The following NME8 variants were observed in gnomAD, a reference collection of about 807,000 sequenced individuals.
The protein encoded by NME8 is NME/NM23 family member 8.
A neutral mutation model predicts 82.3 loss-of-function variants in NME8; 72 were observed. That is an observed-to-expected ratio of 0.87 (90% CI 0.72 to 1.06). The LOEUF is 1.06. Ranked by LOEUF, NME8 falls within the 50% of genes least tolerant of loss-of-function variation. The pLI, the probability that NME8 is intolerant of heterozygous loss-of-function variation, is 0.00. For synonymous variants in NME8, 267 were observed against 228.5 expected, an observed-to-expected ratio of 1.17 and a Z score of -1.52; for missense variants, 712 against 685.4, an observed-to-expected ratio of 1.04 and a Z score of -0.43.
At chr7:37,871,274 C>A (rs1784763551) in intron 11 of NME8, among the ~76,000 whole-genome samples, 2 of 152,172 alleles carry the variant, frequency 1.3e-5, no homozygotes, top group Non-Finnish European at 2.9e-5. Context: ...GGTCTGCCTG[C>A]TCCAGTGGCT....
At position 37,876,891 on chromosome 7, in the gene NME8, C is replaced by A; in HGVS notation, c.878C>A (p.Ala293Glu). 1 of 1,612,634 alleles carries A rather than the reference C, an allele frequency of 6.2e-7. No homozygotes were observed. Among genetic ancestry groups the A allele is most frequent in the Non-Finnish European group, 8.5e-7 (1 of 1,178,994 alleles). ...LAQLCDIEED[A>E]ANVAKFMDAF... ...CAGCTCTGTGACATTGAAGAGGATG[C>A]AGCTAATGTTGCTAAGTTCATGGAT... is the stretch of plus-strand genomic sequence containing the variant. The change falls in exon 12 of 18, where the codon GCA becomes GAA. Residue 293 changes from alanine to glutamate, a missense_variant. Transcript: ENST00000199447.
At chr7:37,857,398 G>T (rs1024161326) in intron 6 of NME8, 53 bp downstream of exon 6, 1 of 1,166,738 alleles carries the variant, frequency 8.6e-7, no homozygotes, top group Non-Finnish European at 1.3e-6. Flanking sequence ...TTGCAGTTAA[G>T]AACAAGTAAC....
intron 10 of NME8, among the ~76,000 whole-genome samples, chr7:37,866,995 A>G (rs1784692761): frequency 6.6e-6 from 1 of 152,166 alleles, no homozygotes; most frequent in Non-Finnish European, 1.5e-5. Flanking sequence ...TTTACTGAAT[A>G]CACGATTTAC....
chr7:37,860,253 A>T (rs1784579305), intron 6 of NME8, among the ~76,000 whole-genome samples: 1 of 152,108 alleles, frequency 6.6e-6, no homozygotes, highest in African/African-American at 2.4e-5. Context: ...TCTTGTCTTC[A>T]CCTCACAGCT....
Position 37,850,645 on chromosome 7 carries a change from A to T in NME8, c.108A>T (p.Gln36His), listed in dbSNP as rs1784425740. ...ATCTTCTAGTGATTGATGTTTACCA[A>T]GCCTGGTGTGGACCTTGCAGAGCAA... ...NKGLTVIDVY[Q>H]AWCGPCRAMQ... The change falls in exon 5 of 18, where the codon CAA becomes CAT. Residue 36 changes from glutamine to histidine, a missense_variant. Gln to His is a conservative substitution (Grantham distance 24, BLOSUM62 0). Transcript: ENST00000199447. 6.2e-7 allele frequency: 1 copy of T among 1,611,346 alleles called. No homozygotes were observed. The highest frequency in any genetic ancestry group is 8.5e-7 in the Non-Finnish European group (1 of 1,177,562).
At chr7:37,888,125 C>A (rs898272949) in intron 14 of NME8, 152 bp from the exon 15 acceptor site, 3 of 723,052 alleles carry the variant, frequency 4.1e-6, no homozygotes, top group Non-Finnish European at 7.3e-6. Flanking sequence ...AAGTAGCATG[C>A]CCTAAGCCGC....
intron 15 of NME8, among the ~76,000 whole-genome samples, chr7:37,890,781 T>A (rs1785118862): frequency 6.6e-6 from 1 of 152,162 alleles, no homozygotes; most frequent in Admixed American, 6.6e-5. Context: ...TGAATAATAT[T>A]CCATTATGTA....
intron 7 of NME8, among the ~76,000 whole-genome samples, 182 bp downstream of exon 7, chr7:37,862,326 C>G (rs1233532933): frequency 6.6e-6 from 1 of 152,084 alleles, no homozygotes; most frequent in Admixed American, 6.5e-5. Flanking sequence ...AATTTTGTAA[C>G]TATCCAGGTG....
intron 12 of NME8, among the ~76,000 whole-genome samples, chr7:37,882,597 A>AAGGAAGAAAGAG (rs1554365623): frequency 1.2e-5 from 1 of 82,994 alleles, no homozygotes; most frequent in Non-Finnish European, 2.6e-5. Context: ...GAAAGAAAGA[A>AAGGAAGAAAGAG]AGAGAGAGAG....
chr7:37,892,976 A>T (rs1475686995), intron 15 of NME8, among the ~76,000 whole-genome samples: 1 of 151,880 alleles, frequency 6.6e-6, no homozygotes, highest in African/African-American at 2.4e-5. Flanking sequence ...TAGTAATTTT[A>T]ATTTTATTTT....
chr7:37,894,484 T>G lies in NME8; in HGVS notation c.1418T>G (p.Val473Gly), dbSNP rs1785186396. The G allele has an allele frequency of 1.2e-6, 2 of 1,613,078 alleles. No homozygotes were observed. Among genetic ancestry groups the G allele is most frequent in the Middle Eastern group, 1.7e-4 (1 of 6,050 alleles). The change falls in exon 16 of 18, where the codon GTT (valine) becomes GGT (glycine). Residue 473 changes from valine (V) to glycine (G), a missense_variant. Val to Gly is a moderately radical substitution (Grantham distance 109, BLOSUM62 -3). Coordinates refer to ENST00000199447, the MANE Select transcript of NME8 (RefSeq NM_016616.5). ...TTCTTAGAGCAGATCCTGAAGATAG[T>G]TAAGGAGGCTGGATTTGATCTGACA... ...SEQREQILKI[V>G]KEAGFDLTQV...
At chr7:37,893,317 A>G (rs919998464) in intron 15 of NME8, among the ~76,000 whole-genome samples, 10 of 152,176 alleles carry the variant, frequency 6.6e-5, no homozygotes, top group African/African-American at 2.2e-4. Flanking sequence ...ACCCTAATTC[A>G]TTCTTCATGG....
At chr7:37,876,227 T>TAG (rs200480000) in intron 11 of NME8, among the ~76,000 whole-genome samples, 2,073 of 129,144 alleles carry the variant, frequency 0.016, 42 homozygotes, top group African/African-American at 0.055. Flanking sequence ...TATATATATA[T>TAG]ATATAGATAG....
At chr7:37,875,918 A>G (rs1784840417) in intron 11 of NME8, among the ~76,000 whole-genome samples, 1 of 152,114 alleles carries the variant, frequency 6.6e-6, no homozygotes, top group South Asian at 2.1e-4. Context: ...AATAATATAT[A>G]ATAAATTGAC....
intron 15 of NME8, among the ~76,000 whole-genome samples, chr7:37,892,553 G>C (rs1407418329): frequency 6.6e-6 from 1 of 151,546 alleles, no homozygotes; most frequent in Non-Finnish European, 1.5e-5. Context: ...GTGTAGACAT[G>C]CTTATCTTTG....
At chr7:37,897,674 C>A (rs550149269) in intron 17 of NME8, among the ~76,000 whole-genome samples, 2 of 151,292 alleles carry the variant, frequency 1.3e-5, no homozygotes, top group Non-Finnish European at 2.9e-5. Context: ...TCACCCCCCA[C>A]CCCCCAACAG....
Position 37,900,272 on chromosome 7 carries a change from C to T in NME8, c.*44C>T, listed in dbSNP as rs955303775. 9.2e-5 allele frequency: 14 copies of T among 152,118 alleles called. No homozygotes were observed. The highest frequency in any genetic ancestry group is 2.4e-4 in the African/African-American group (10 of 41,418). 9.4% of individuals were successfully genotyped at this position (152,118 alleles called of 1,614,324 possible). ...TTTGAGAAGATAATACATATGTTCA[C>T]GTCAATATACAACCATTTGGCACAG... On this transcript the variant is annotated 3_prime_UTR_variant, in exon 18 of 18. Coordinates refer to ENST00000199447, the MANE Select transcript of NME8 (RefSeq NM_016616.5).
intron 12 of NME8, among the ~76,000 whole-genome samples, chr7:37,882,683 A>T (rs1299608585): frequency 1.3e-5 from 2 of 152,062 alleles, no homozygotes; most frequent in African/African-American, 2.4e-5. Flanking sequence ...AAGGTCAACA[A>T]GGTGTTCGGG....
chr7:37,884,432 T>A lies in NME8; in HGVS notation c.1124T>A (p.Ile375Lys). The change falls in exon 13 of 18, where the codon ATA (isoleucine) becomes AAA (lysine). Residue 375 changes from isoleucine (I) to lysine (K), a missense_variant. Physicochemically the swap from Ile to Lys is moderately radical, Grantham distance 102 (BLOSUM62 -3). Coordinates refer to ENST00000199447, the MANE Select transcript of NME8 (RefSeq NM_016616.5). ...YENEDYFNKL[I>K]ENMTSGPSLA... is the part of the protein sequence containing the mutation. Reference sequence around the variant, plus strand: ...AATGAAGACTATTTTAATAAACTTATAGAAAACATGACCAGGTAGAATCCA... The same window carrying A: ...AATGAAGACTATTTTAATAAACTTAAAGAAAACATGACCAGGTAGAATCCA... 1 of 1,611,682 alleles carries A rather than the reference T, an allele frequency of 6.2e-7. No homozygotes were observed. Among genetic ancestry groups the A allele is most frequent in the South Asian group, 1.1e-5 (1 of 91,002 alleles).
Sources: gnomAD v4.1 joint callset for allele counts (sites outside exome capture counted in the v4.1 genomes callset) on GRCh38, gnomAD v4.1.1 for gene constraint, MANE v1.5 for transcripts, NCBI Gene and HGNC (gene_info 2026-07-23, HGNC 2026-07-21) for gene names.